The following PARVA variants were observed in gnomAD, a reference collection of about 807,000 sequenced individuals.
PARVA encodes the protein parvin alpha.
In PARVA, 25 loss-of-function variants were observed where a neutral mutation model predicts 52.6. The observed-to-expected ratio is 0.48, with a 90% confidence interval of 0.35 to 0.66. The LOEUF (loss-of-function observed/expected upper bound fraction) is 0.66, where lower values mean the gene tolerates loss of function less well. Among genes scored for constraint, PARVA ranks in the 30% least tolerant of loss-of-function variants. The pLI, the probability that PARVA is intolerant of heterozygous loss-of-function variation, is 0.01. For synonymous variants in PARVA, 185 were observed against 179.1 expected (o/e 1.03, Z -0.26); for missense variants, 373 against 450.9 (o/e 0.83, Z 1.56).
At chr11:12,401,226 A>G (rs1185406549) in intron 1 of PARVA, among the ~76,000 whole-genome samples, 1 of 152,204 alleles carries the variant, frequency 6.6e-6, no homozygotes, top group Non-Finnish European at 1.5e-5. Flanking sequence ...TCACAGGCAA[A>G]TAATTATAAG....
intron 1 of PARVA, chr11:12,398,144 G>A (rs1939776500): frequency 6.6e-6 from 1 of 152,124 alleles, no homozygotes. Context: ...CAGCCAACTA[G>A]GAGCAGACAC....
At chr11:12,523,396 A>C (rs1392402070) in intron 12 of PARVA, among the ~76,000 whole-genome samples, 1 of 152,168 alleles carries the variant, frequency 6.6e-6, no homozygotes, top group Non-Finnish European at 1.5e-5. Flanking sequence ...CAAGGGGTTC[A>C]GAGACCGTGG....
At chr11:12,451,894 G>A (rs1940628164) in intron 1 of PARVA, among the ~76,000 whole-genome samples, 2 of 152,214 alleles carry the variant, frequency 1.3e-5, no homozygotes, top group South Asian at 2.1e-4. Flanking sequence ...TCATAAAGCC[G>A]ATGGTTATGG....
chr11:12,379,240 C>CTGTA (rs148056709), intron 1 of PARVA, among the ~76,000 whole-genome samples: 107,880 of 151,650 alleles, frequency 0.71, 43,895 homozygotes, highest in East Asian at 0.92. Context: ...TCTTTATGAC[C>CTGTA]TGTATCTTGT....
chr11:12,378,318 G>C (rs576536867), intron 1 of PARVA, among the ~76,000 whole-genome samples: 1 of 152,316 alleles, frequency 6.6e-6, no homozygotes, highest in Non-Finnish European at 1.5e-5. Context: ...GCCTCTTCGG[G>C]ATCTTTTGTC....
chr11:12,470,964 A>G (rs1321976600), intron 1 of PARVA, among the ~76,000 whole-genome samples: 6 of 152,204 alleles, frequency 3.9e-5, no homozygotes, highest in East Asian at 3.8e-4. Flanking sequence ...AGGATGATAG[A>G]GCAGGGAGAT....
chr11:12,379,244 A>ATGTG (rs869232075), intron 1 of PARVA, among the ~76,000 whole-genome samples: 2 of 151,524 alleles, frequency 1.3e-5, no homozygotes, highest in Non-Finnish European at 3.0e-5. Context: ...TATGACCTGT[A>ATGTG]TCTTGTGCCC....
chr11:12,430,584 T>TG (rs1940302562), intron 1 of PARVA, among the ~76,000 whole-genome samples: 1 of 152,134 alleles, frequency 6.6e-6, no homozygotes, highest in Non-Finnish European at 1.5e-5. Flanking sequence ...CAAGATGCTG[T>TG]GGGGGGTTTG....
Position 12,534,468 on chromosome 11 carries a change from C to A in PARVA, c.*6543C>A, listed in dbSNP as rs575730878. 1.3e-5 allele frequency among the ~76,000 whole-genome samples: 2 copies of A among 152,232 alleles called. No individual in the cohort carries two copies. The highest frequency in any genetic ancestry group is 4.8e-5 in the African/African-American group (2 of 41,526). ...ATGTGGGCACTGGCTTTGATACTGGCATTTGGAAGGGCACTTGGGAAATTC... is the reference window on the plus strand; with the variant it reads ...ATGTGGGCACTGGCTTTGATACTGGAATTTGGAAGGGCACTTGGGAAATTC... On this transcript the variant is annotated 3_prime_UTR_variant, in exon 13 of 13. Transcript: ENST00000334956.
At chr11:12,504,133 A>G (rs1941397628) in intron 5 of PARVA, among the ~76,000 whole-genome samples, 181 bp from the exon 6 acceptor site, 1 of 152,096 alleles carries the variant, frequency 6.6e-6, no homozygotes, top group East Asian at 1.9e-4. Context: ...CACCCCCACA[A>G]TCCAAATACC....
At chr11:12,434,954 C>G (rs1255878749) in intron 1 of PARVA, among the ~76,000 whole-genome samples, 1 of 152,198 alleles carries the variant, frequency 6.6e-6, no homozygotes, top group Non-Finnish European at 1.5e-5. Context: ...CGCCACCCCA[C>G]ACACCAGTCC....
chr11:12,384,412 AAC>A (rs1939541226), intron 1 of PARVA, among the ~76,000 whole-genome samples: 1 of 152,246 alleles, frequency 6.6e-6, no homozygotes, highest in Non-Finnish European at 1.5e-5. Context: ...AGGAAAACAA[AAC>A]AAAAACTCTT....
intron 1 of PARVA, among the ~76,000 whole-genome samples, chr11:12,453,651 G>T (rs1322873346): frequency 2.0e-5 from 3 of 152,146 alleles, no homozygotes; most frequent in African/African-American, 7.2e-5. Context: ...TTTTTGGCAA[G>T]ATTTTCCATT....
intron 12 of PARVA, among the ~76,000 whole-genome samples, chr11:12,519,569 G>A (rs1305240043): frequency 6.6e-6 from 1 of 152,184 alleles, no homozygotes; most frequent in African/African-American, 2.4e-5. Flanking sequence ...CTGTCTTGGG[G>A]GAGGAACAGT....
At position 12,528,125 on chromosome 11, in the gene PARVA, C is replaced by T. The variant is rs900543821; in HGVS notation, c.*200C>T. 2.1e-5 allele frequency: 12 copies of T among 566,864 alleles called. No homozygotes were observed. Among genetic ancestry groups the T allele is most frequent in the African/African-American group, 7.4e-5 (4 of 53,810 alleles). 35.1% of individuals were successfully genotyped at this position (566,864 alleles called of 1,614,324 possible). The stretch of plus-strand genomic sequence containing the variant: ...AGTGGGCTGACCCATCCCTCCCAGG[C>T]GCTGGGGACCAACCTAGCAATGAAG... On this transcript the variant is annotated 3_prime_UTR_variant, in exon 13 of 13. Coordinates refer to ENST00000334956, the MANE Select transcript of PARVA (RefSeq NM_018222.5).
chr11:12,422,630 C>T (rs1275390580), intron 1 of PARVA, among the ~76,000 whole-genome samples: 2 of 152,134 alleles, frequency 1.3e-5, no homozygotes, highest in East Asian at 1.9e-4. Context: ...TGTAATGCAA[C>T]TATAAAGTGC....
At chr11:12,451,132 GCTTTCCTGTGGCT>G (rs1589962299) in intron 1 of PARVA, among the ~76,000 whole-genome samples, 2 of 152,166 alleles carry the variant, frequency 1.3e-5, no homozygotes, top group East Asian at 3.9e-4. Context: ...TTGCCCTGAT[GCTTTCCTGTGGCT>G]CTTTCTTTCC....
intron 12 of PARVA, among the ~76,000 whole-genome samples, chr11:12,520,553 C>G (rs1482859986): frequency 6.6e-6 from 1 of 152,202 alleles, no homozygotes; most frequent in Non-Finnish European, 1.5e-5. Flanking sequence ...CCCCTAGAAA[C>G]TGGGTTTGTA....
chr11:12,379,334 TA>T (rs1477329166), intron 1 of PARVA, among the ~76,000 whole-genome samples: 1 of 152,212 alleles, frequency 6.6e-6, no homozygotes, highest in Admixed American at 6.5e-5. Context: ...AGCCTTGTTT[TA>T]CCTGGCCCCA....
Sources: gnomAD v4.1 joint callset for allele counts (sites outside exome capture counted in the v4.1 genomes callset) on GRCh38, gnomAD v4.1.1 for gene constraint, MANE v1.5 for transcripts, NCBI Gene and HGNC (gene_info 2026-07-23, HGNC 2026-07-21) for gene names.